Variants in CENPS observed in about 807,000 individuals in gnomAD.
CENPS encodes centromere protein S.
Under a neutral mutation model 17.9 loss-of-function variants are expected in CENPS, and 16 were observed. That is an observed-to-expected ratio of 0.90 (90% CI 0.61 to 1.36). The LOEUF (loss-of-function observed/expected upper bound fraction) is 1.36, where lower values mean the gene tolerates loss of function less well. Among genes scored for constraint, CENPS ranks in the 40% most tolerant of loss-of-function variants. CENPS has a pLI of 0.00. For missense variants in CENPS, 160 were observed against 158.6 expected (o/e 1.01, Z -0.05); for synonymous variants, 49 against 55.8 (o/e 0.88, Z 0.54).
chr1:10,439,600 G>A lies in CENPS; in HGVS notation c.210-747G>A, dbSNP rs1168741641. 2.6e-5 allele frequency among the ~76,000 whole-genome samples: 4 copies of A among 152,126 alleles called. No homozygotes were observed. In the South Asian group the frequency reaches 8.3e-4, roughly 32 times the overall value. The stretch of plus-strand genomic sequence containing the variant: ...ACTAAAAATACAAAAAAATTAGTGG[G>A]GCATGGTGGCGGGCGCCTGTAATCC... On this transcript the variant is annotated intron_variant, in intron 3 of 4. Transcript: ENST00000309048.
chr1:10,435,054 G>A (rs1480209995), intron 3 of CENPS, among the ~76,000 whole-genome samples: 1 of 152,174 alleles, frequency 6.6e-6, no homozygotes, highest in East Asian at 1.9e-4. Flanking sequence ...GGGGGTGGCC[G>A]CCCCTCTGCG....
At position 10,430,467 on chromosome 1, in the gene CENPS, C is replaced by T. The variant is rs1157213729; in HGVS notation, c.-51C>T. ...CGGGAAAATCCGACCTGGCCGCGCACCACCGCCCCTTCTCGGCCCTCCTGC... is the reference window on the plus strand; with the variant it reads ...CGGGAAAATCCGACCTGGCCGCGCATCACCGCCCCTTCTCGGCCCTCCTGC... On this transcript the variant is annotated 5_prime_UTR_variant, in exon 1 of 5. Transcript: ENST00000309048. The T allele has an allele frequency of 3.3e-6, 5 of 1,529,672 alleles. No individual in the cohort carries two copies. Among genetic ancestry groups the T allele is most frequent in the Non-Finnish European group, 4.4e-6 (5 of 1,139,214 alleles). The allele number at this position is 1,529,672 out of a possible 1,614,324, so 94.8% of individuals were successfully genotyped here.
chr1:10,440,905 T>C (rs1640378258), intron 4 of CENPS, among the ~76,000 whole-genome samples: 1 of 152,246 alleles, frequency 6.6e-6, no homozygotes. Flanking sequence ...GGCTAGTGGC[T>C]TTGGCCAGTA....
intron 3 of CENPS, 58 bp downstream of exon 3, chr1:10,434,748 C>CGGAG (rs1640072446): frequency 2.6e-6 from 4 of 1,543,792 alleles, no homozygotes; most frequent in Non-Finnish European, 3.5e-6. Flanking sequence ...GGGGCCTCTC[C>CGGAG]ATCTGGTGGG....
At chr1:10,438,595 T>A (rs1186934286) in intron 3 of CENPS, among the ~76,000 whole-genome samples, 1 of 152,184 alleles carries the variant, frequency 6.6e-6, no homozygotes, top group Non-Finnish European at 1.5e-5. Flanking sequence ...CAAAGCGTGT[T>A]ATATGAAAAA....
In CENPS at chr1:10,440,897, C is replaced by A. The variant is rs528576455; in HGVS notation, c.276+484C>A. ...CCAGAGATACTCTGGTCATCCCAGGCTAGTGGCTTTGGCCAGTAGCAGAGC... is the reference window on the plus strand; with the variant it reads ...CCAGAGATACTCTGGTCATCCCAGGATAGTGGCTTTGGCCAGTAGCAGAGC... On this transcript the variant is annotated intron_variant, in intron 4 of 4. Coordinates refer to ENST00000309048, the MANE Select transcript of CENPS (RefSeq NM_199294.3). Among the ~76,000 whole-genome samples the A allele has an allele frequency of 1.1e-4, 17 of 152,348 alleles. 1 individual carries two copies. The highest frequency in any genetic ancestry group is 4.1e-4 in the African/African-American group (17 of 41,582).
intron 3 of CENPS, among the ~76,000 whole-genome samples, chr1:10,436,699 C>CT (rs1039227275): frequency 3.2e-5 from 4 of 125,798 alleles, no homozygotes; most frequent in Non-Finnish European, 4.9e-5. Context: ...GAGTGAGACT[C>CT]TGTCTCTTTA....
intron 1 of CENPS, chr1:10,431,018 C>T: frequency 7.6e-7 from 1 of 1,313,834 alleles, no homozygotes. Flanking sequence ...GCGGTGCGGA[C>T]CAGTCAGGCC....
At chr1:10,430,875 G>A in intron 1 of CENPS, 1 of 1,301,810 alleles carries the variant, frequency 7.7e-7, no homozygotes, top group Admixed American at 4.0e-5. Flanking sequence ...CCCCTTCTCA[G>A]ATGGGGTTTT....
chr1:10,439,311 A>C (rs1640308586), intron 3 of CENPS, among the ~76,000 whole-genome samples: 1 of 152,218 alleles, frequency 6.6e-6, no homozygotes, highest in Admixed American at 6.6e-5. Context: ...TGGGGAAGTT[A>C]GAAATGGAAG....
At chr1:10,432,428 CA>C (rs1254065895) in intron 1 of CENPS, among the ~76,000 whole-genome samples, 1 of 152,172 alleles carries the variant, frequency 6.6e-6, no homozygotes, top group East Asian at 1.9e-4. Context: ...AATAGACCAA[CA>C]AATGCTTACT....
intron 3 of CENPS, among the ~76,000 whole-genome samples, chr1:10,435,196 T>C (rs1640095908): frequency 6.6e-6 from 1 of 152,202 alleles, no homozygotes; most frequent in South Asian, 2.1e-4. Flanking sequence ...TGCTTTCAGC[T>C]GCTAAAGCCT....
At chr1:10,436,258 G>A (rs1016596974) in intron 3 of CENPS, among the ~76,000 whole-genome samples, 6 of 151,644 alleles carry the variant, frequency 4.0e-5, no homozygotes, top group Non-Finnish European at 4.4e-5. Context: ...GATTACAGGC[G>A]TTGAGCCACC....
chr1:10,435,362 C>T (rs1640103437), intron 3 of CENPS, among the ~76,000 whole-genome samples: 1 of 151,974 alleles, frequency 6.6e-6, no homozygotes, highest in South Asian at 2.1e-4. Flanking sequence ...CGGTGCCAGC[C>T]TCTCCCACAC....
intron 1 of CENPS, among the ~76,000 whole-genome samples, chr1:10,432,096 G>GT (rs1162089604): frequency 5.3e-4 from 80 of 150,874 alleles, no homozygotes; most frequent in Middle Eastern, 3.4e-3. Context: ...GTTGGTTTTT[G>GT]TTTTTTTTGA....
At chr1:10,439,333 C>T (rs1350203816) in intron 3 of CENPS, among the ~76,000 whole-genome samples, 1 of 152,142 alleles carries the variant, frequency 6.6e-6, no homozygotes, top group Non-Finnish European at 1.5e-5. Context: ...AGGGTGTAAT[C>T]AGAGTAATAT....
chr1:10,434,669 A>G lies in CENPS; in HGVS notation c.188A>G (p.Lys63Arg). ...TTTTCTCTTTCAGAAAATTTTGCCA[A>G]AGACCTTGAAATGTTTGCAAGGTGG... The part of the protein sequence containing the change: ...LTFRQCENFA[K>R]DLEMFARHAK... The change falls in exon 3 of 5, where the codon AAA (lysine) becomes AGA (arginine). Residue 63 changes from lysine to arginine, a missense_variant. Coordinates refer to ENST00000309048, the MANE Select transcript of CENPS (RefSeq NM_199294.3). The G allele has an allele frequency of 6.2e-7, 1 of 1,607,246 alleles. No homozygotes were observed. Among genetic ancestry groups the G allele is most frequent in the Non-Finnish European group, 8.5e-7 (1 of 1,178,252 alleles).
intron 3 of CENPS, among the ~76,000 whole-genome samples, chr1:10,436,839 C>G (rs970330809): frequency 3.3e-5 from 5 of 152,126 alleles, no homozygotes; most frequent in African/African-American, 1.2e-4. Context: ...GGAAGCACCC[C>G]CTCTTCTTAG....
chr1:10,430,986 C>T (rs1039140483), intron 1 of CENPS: 3 of 1,270,284 alleles, frequency 2.4e-6, no homozygotes, highest in South Asian at 3.8e-5. Context: ...AGGCGTCGAC[C>T]CCTCGTTACT....
Sources: allele counts gnomAD v4.1 joint callset (sites outside exome capture counted in the v4.1 genomes callset), GRCh38; gene constraint gnomAD v4.1.1; transcripts MANE v1.5; gene names NCBI Gene and HGNC (gene_info 2026-07-23, HGNC 2026-07-21).